Variants in SEMA3E observed in about 807,000 individuals in gnomAD.
SEMA3E encodes semaphorin-3E.
SEMA3E carries 49 observed loss-of-function variants against 93.6 expected under a neutral mutation model. The observed-to-expected ratio is 0.52, with a 90% CI of 0.42 to 0.66. The LOEUF is 0.66. Among genes scored for constraint, SEMA3E ranks in the 30% least tolerant of loss-of-function variants. The pLI, the probability that SEMA3E is intolerant of heterozygous loss-of-function variation, is 0.00. For synonymous variants in SEMA3E, 363 were observed against 330.7 expected (o/e 1.10, Z -1.06); for missense variants, 906 against 964.8 (o/e 0.94, Z 0.81).
At chr7:83,511,946 A>G (rs993719563) in intron 1 of SEMA3E, among the ~76,000 whole-genome samples, 3 of 152,186 alleles carry the variant, frequency 2.0e-5, no homozygotes, top group Non-Finnish European at 2.9e-5. Flanking sequence ...AGACTGTTGC[A>G]TGTTCCAATT....
intron 1 of SEMA3E, among the ~76,000 whole-genome samples, chr7:83,519,943 T>A (rs1016882902): frequency 2.0e-5 from 3 of 152,096 alleles, no homozygotes; most frequent in Non-Finnish European, 4.4e-5. Flanking sequence ...ATCTGTCCAG[T>A]CCTCCCCAAA....
chr7:83,373,552 G>A (rs1225690043), intron 16 of SEMA3E, among the ~76,000 whole-genome samples: 1 of 152,118 alleles, frequency 6.6e-6, no homozygotes, highest in African/African-American at 2.4e-5. Context: ...AGGATGAATT[G>A]TTTAAAAGCT....
chr7:83,570,254 C>T (rs73380740), intron 1 of SEMA3E, among the ~76,000 whole-genome samples: 4,247 of 152,100 alleles, frequency 0.028, 199 homozygotes, highest in African/African-American at 0.097. Flanking sequence ...TGCAAAATAC[C>T]TTCATCAAGA....
chr7:83,635,242 C>T, intron 1 of SEMA3E, among the ~76,000 whole-genome samples: 1 of 151,586 alleles, frequency 6.6e-6, no homozygotes, highest in African/African-American at 2.4e-5. Context: ...TCAGTTTCAT[C>T]AATAATACGC....
chr7:83,367,594 C>A lies in SEMA3E; in HGVS notation c.2320G>T (p.Asp774Tyr), dbSNP rs767621375. The change falls in exon 17 of 17, where the codon GAC (aspartate) becomes TAC (tyrosine). Residue 774 changes from aspartate to tyrosine, a missense_variant. Transcript: ENST00000643230. ...TAGATAGTCTCACCCCATCAGGAGT[C>A]CAGCGTGTGCCTGGGCAGGCGGTAA... ...EHYRLPRHTL[D>Y]S 2.0e-5 allele frequency: 32 copies of A among 1,613,930 alleles called. No homozygotes were observed. The highest frequency in any genetic ancestry group is 2.5e-5 in the Non-Finnish European group (29 of 1,179,976).
At chr7:83,412,310 A>G (rs569992858) in intron 5 of SEMA3E, among the ~76,000 whole-genome samples, 1 of 152,230 alleles carries the variant, frequency 6.6e-6, no homozygotes, top group South Asian at 2.1e-4. Flanking sequence ...TGTGTGTTTG[A>G]AATGATGCCT....
intron 16 of SEMA3E, among the ~76,000 whole-genome samples, chr7:83,369,837 G>A: frequency 6.6e-6 from 1 of 152,276 alleles, no homozygotes; most frequent in South Asian, 2.1e-4. Context: ...TTATTTTCCA[G>A]CACTAGCTTT....
At chr7:83,418,301 A>C in intron 5 of SEMA3E, 89 bp downstream of exon 5, 1 of 934,730 alleles carries the variant, frequency 1.1e-6, no homozygotes, top group Admixed American at 2.0e-5. Flanking sequence ...TAGTATGTAA[A>C]GAAATGCTGA....
chr7:83,550,619 G>T (rs1791746278), intron 1 of SEMA3E, among the ~76,000 whole-genome samples: 1 of 151,958 alleles, frequency 6.6e-6, no homozygotes. Context: ...GAGAATTTTT[G>T]TTTTGTTTTG....
chr7:83,427,974 TTC>T (rs1449990740), intron 4 of SEMA3E, among the ~76,000 whole-genome samples: 1 of 152,242 alleles, frequency 6.6e-6, no homozygotes. Flanking sequence ...GGGCTGCATT[TTC>T]TGTTTCAATG....
intron 12 of SEMA3E, among the ~76,000 whole-genome samples, chr7:83,395,004 C>G (rs958453947): frequency 1.3e-5 from 2 of 152,182 alleles, no homozygotes; most frequent in Non-Finnish European, 2.9e-5. Flanking sequence ...AGGTGAAATC[C>G]ACTCTGGGGA....
intron 1 of SEMA3E, among the ~76,000 whole-genome samples, chr7:83,593,280 C>CTGTG (rs1562846697): frequency 8.2e-5 from 9 of 109,186 alleles, no homozygotes; most frequent in African/African-American, 3.5e-4. Context: ...CTCTCTCTCT[C>CTGTG]TCTCTGTGTG....
chr7:83,537,649 G>T (rs1012958707), intron 1 of SEMA3E, among the ~76,000 whole-genome samples: 1 of 152,082 alleles, frequency 6.6e-6, no homozygotes, highest in Admixed American at 6.6e-5. Flanking sequence ...AAACAATATG[G>T]TTTCTTTCCT....
chr7:83,417,819 A>G (rs1009859769), intron 5 of SEMA3E, among the ~76,000 whole-genome samples: 6 of 152,138 alleles, frequency 3.9e-5, no homozygotes, highest in African/African-American at 1.4e-4. Flanking sequence ...TGAACTCCAG[A>G]TCCAACTTTA....
At chr7:83,468,019 T>C (rs1375191966) in intron 3 of SEMA3E, among the ~76,000 whole-genome samples, 2 of 152,206 alleles carry the variant, frequency 1.3e-5, no homozygotes, top group Non-Finnish European at 2.9e-5. Context: ...AATACTAAAC[T>C]CTTTTAGTGC....
intron 1 of SEMA3E, among the ~76,000 whole-genome samples, chr7:83,567,720 A>G (rs1015046196): frequency 5.9e-5 from 9 of 152,072 alleles, no homozygotes; most frequent in African/African-American, 1.9e-4. Flanking sequence ...TGGATCCTGA[A>G]ACATAATATA....
At chr7:83,469,574 C>T (rs1208615764) in intron 2 of SEMA3E, among the ~76,000 whole-genome samples, 1 of 151,942 alleles carries the variant, frequency 6.6e-6, no homozygotes, top group Non-Finnish European at 1.5e-5. Context: ...GACAGCCATG[C>T]CTTAACTAGC....
At chr7:83,645,719 T>TTCTCTCTC (rs57724559) in intron 1 of SEMA3E, among the ~76,000 whole-genome samples, 2 of 146,446 alleles carry the variant, frequency 1.4e-5, no homozygotes, top group African/African-American at 5.0e-5. Flanking sequence ...CCTTGTCTCC[T>TTCTCTCTC]TCTCTCTCTC....
intron 4 of SEMA3E, among the ~76,000 whole-genome samples, chr7:83,455,771 C>A (rs538469168): frequency 6.6e-6 from 1 of 152,180 alleles, no homozygotes; most frequent in African/African-American, 2.4e-5. Context: ...ATGACAGGGC[C>A]GCATGGCAAG....
Sources: allele counts gnomAD v4.1 joint callset (sites outside exome capture counted in the v4.1 genomes callset), GRCh38; gene constraint gnomAD v4.1.1; transcripts MANE v1.5; gene names NCBI Gene and HGNC (gene_info 2026-07-23, HGNC 2026-07-21).